The following GFM1 variants were observed in gnomAD, a reference collection of about 807,000 sequenced individuals.
GFM1 encodes elongation factor G, mitochondrial.
In GFM1, 62 loss-of-function variants were observed where a neutral mutation model predicts 96.2. The ratio of observed to expected loss-of-function variants is 0.64; its 90% CI spans 0.53 to 0.80. The LOEUF (loss-of-function observed/expected upper bound fraction) is 0.80, where lower values mean the gene tolerates loss of function less well. GFM1 is among the 30% of genes least tolerant of loss of function. The pLI, the probability that GFM1 is intolerant of heterozygous loss-of-function variation, is 0.00. For missense variants in GFM1, 852 were observed against 916.6 expected, an observed-to-expected ratio of 0.93 and a Z score of 0.91; for synonymous variants, 282 against 312.9, an observed-to-expected ratio of 0.90 and a Z score of 1.04.
At chr3:158,667,184 GTAAAAA>G (rs1723792015) in intron 13 of GFM1, 1 of 1,180,002 alleles carries the variant, frequency 8.5e-7, no homozygotes, top group Non-Finnish European at 1.1e-6. Context: ...TTCCATTTAG[GTAAAAA>G]TAAAAATTGA....
chr3:158,669,371 G>A, intron 13 of GFM1: 1 of 1,484,916 alleles, frequency 6.7e-7, no homozygotes, highest in Non-Finnish European at 9.2e-7. Flanking sequence ...TTTAAGCACA[G>A]ATAATTGAGA....
chr3:158,644,934 G>T, intron 1 of GFM1: 2 of 503,452 alleles, frequency 4.0e-6, no homozygotes, highest in South Asian at 2.8e-5. Context: ...TCAACTAAAA[G>T]TGTCTGTCAC....
rs1019230632 is a variant in GFM1 at position 158,654,594 on chromosome 3, A to G, written c.1046A>G (p.Asn349Ser). 15 of 1,613,164 alleles carry G rather than the reference A, an allele frequency of 9.3e-6. No homozygotes were observed. Among genetic ancestry groups the G allele is most frequent in the Middle Eastern group, 1.6e-4 (1 of 6,080 alleles). The stretch of plus-strand genomic sequence containing the variant: ...ATCCTAATGAACTCCAGTAGAGACA[A>G]TTCCCACCCATTTGTAGGCCTGGCT... ...TKILMNSSRD[N>S]SHPFVGLAFK... is the part of the protein sequence containing the mutation. Residue 349 changes from asparagine (N) to serine (S), a missense_variant, in exon 8 of 18, where the codon AAT becomes AGT. Coordinates refer to ENST00000486715, the MANE Select transcript of GFM1 (RefSeq NM_024996.7).
chr3:158,656,019 T>A, intron 8 of GFM1: 1 of 434,066 alleles, frequency 2.3e-6, no homozygotes, highest in Non-Finnish European at 4.6e-6. Context: ...TATTATTTGA[T>A]GCTTTTCACA....
chr3:158,668,290 C>G (rs1358740280), intron 13 of GFM1, among the ~76,000 whole-genome samples: 12 of 152,086 alleles, frequency 7.9e-5, no homozygotes, highest in African/African-American at 2.9e-4. Flanking sequence ...CAAATACAAT[C>G]TAAATGTTAT....
rs1165628976 is a variant in GFM1, at chr3:158,692,796, A to G, written c.*1329A>G. 6.6e-6 allele frequency among the ~76,000 whole-genome samples: 1 copy of G among 151,938 alleles called. No homozygotes were observed. The highest frequency in any genetic ancestry group is 1.5e-5 in the Non-Finnish European group (1 of 68,000). The stretch of plus-strand genomic sequence containing the variant: ...AACCTCTGCTTCCTGGGTTCAAGCA[A>G]TTATCCCATCTCAGCTGCCTAAGTA... On this transcript the variant is annotated 3_prime_UTR_variant, in exon 18 of 18. Transcript: ENST00000486715.
chr3:158,674,827 A>T (rs1263688997), intron 13 of GFM1, among the ~76,000 whole-genome samples: 1 of 152,210 alleles, frequency 6.6e-6, no homozygotes, highest in Admixed American at 6.5e-5. Context: ...AATTTGAAAG[A>T]TGATTCATGA....
rs571156607 is a variant in GFM1 at position 158,658,662 on chromosome 3, A to T, written c.1084-260A>T. On this transcript the variant is annotated intron_variant, in intron 8 of 17. Coordinates refer to ENST00000486715, the MANE Select transcript of GFM1 (RefSeq NM_024996.7). ...TCCTTATTATGTAAACAACTTAAAA[A>T]TTTTGTTCTAATGTAATAGCTTATT... Among the ~76,000 whole-genome samples, 7 of 152,336 alleles carry T rather than the reference A, an allele frequency of 4.6e-5. No homozygotes were observed. In the East Asian group the frequency reaches 1.3e-3, roughly 29 times the overall value.
rs766011688 is a variant in GFM1, at chr3:158,673,508, C to CTT, written c.1601+7141_1601+7142dup. Among the ~76,000 whole-genome samples the CTT allele has an allele frequency of 2.6e-3, 299 of 114,258 alleles. 5 individuals carry two copies. Among genetic ancestry groups the CTT allele is most frequent in the South Asian group, 0.011 (41 of 3,710 alleles). 75.0% of individuals were successfully genotyped at this position (114,258 alleles called of 152,430 possible). The stretch of plus-strand genomic sequence containing the variant: ...TTGAGACCTTTTTTTCTTTTCTTTT[C>CTT]TTTTTTTTTTTTTTTTTTTTGAGAT... On this transcript the variant is annotated intron_variant, in intron 13 of 17. Transcript: ENST00000486715.
chr3:158,656,375 A>C, intron 8 of GFM1: 1 of 157,554 alleles, frequency 6.3e-6, no homozygotes, highest in Non-Finnish European at 1.4e-5. Flanking sequence ...CCGGTCTCGA[A>C]CTCCTGACCT....
chr3:158,677,059 ATTC>A lies in GFM1; in HGVS notation c.1602-4933_1602-4931del, dbSNP rs559031609. 2.9e-3 allele frequency among the ~76,000 whole-genome samples: 439 copies of A among 152,270 alleles called. 4 individuals are homozygous for A. The highest frequency in any genetic ancestry group is 0.01 in the African/African-American group (417 of 41,554). ...CACATCTCTGTGTCACATTTTGGTAATTCTTGTAATATTTCAAACTTTTTCATT... is the reference window on the plus strand; with the variant it reads ...CACATCTCTGTGTCACATTTTGGTAATTGTAATATTTCAAACTTTTTCATT... On this transcript the variant is annotated intron_variant, in intron 13 of 17. Transcript: ENST00000486715.
intron 16 of GFM1, 104 bp from the exon 17 acceptor site, chr3:158,691,035 C>T (rs902471505): frequency 7.7e-6 from 6 of 780,680 alleles, no homozygotes; most frequent in Non-Finnish European, 1.4e-5. Context: ...GAGTAGTGAG[C>T]AGAAATCTTA....
chr3:158,658,407 C>T (rs529347153), intron 8 of GFM1, among the ~76,000 whole-genome samples: 15 of 152,146 alleles, frequency 9.9e-5, no homozygotes, highest in South Asian at 4.2e-4. Context: ...TCAGGTGATC[C>T]GCTCGCCTCT....
At chr3:158,675,209 C>T (rs372572804) in intron 13 of GFM1, among the ~76,000 whole-genome samples, 9 of 147,640 alleles carry the variant, frequency 6.1e-5, no homozygotes, top group African/African-American at 2.3e-4. Context: ...CTGCTTGAAC[C>T]CAGGAGGCGG....
At chr3:158,682,181 T>C in intron 14 of GFM1, 24 bp downstream of exon 14, 9 of 1,592,816 alleles carry the variant, frequency 5.7e-6, no homozygotes, top group Non-Finnish European at 6.9e-6. Flanking sequence ...AAAGTGTTTT[T>C]GCATTTTTAC....
chr3:158,687,721 G>T (rs754673246), intron 15 of GFM1, among the ~76,000 whole-genome samples: 5 of 152,076 alleles, frequency 3.3e-5, no homozygotes, highest in Non-Finnish European at 7.4e-5. Context: ...ACCTGCCTCC[G>T]CCTCCCAAAG....
In GFM1 at chr3:158,644,602, C is replaced by G; in HGVS notation, c.-33C>G. On this transcript the variant is annotated 5_prime_UTR_variant, in exon 1 of 18. Transcript: ENST00000486715. ...TACCGGCAGCTGAACCCACCCGGCG[C>G]CACGGGACTTTGACGCGTGCTCTGC... 6.5e-7 allele frequency: 1 copy of G among 1,547,074 alleles called. No homozygotes were observed. The highest frequency in any genetic ancestry group is 8.7e-7 in the Non-Finnish European group (1 of 1,143,406).
At chr3:158,672,758 G>A in intron 13 of GFM1, 1 of 352,842 alleles carries the variant, frequency 2.8e-6, no homozygotes, top group Non-Finnish European at 5.5e-6. Context: ...CCTACTGGAG[G>A]AGAGGCCAGC....
chr3:158,672,613 T>C (rs1437999972), intron 13 of GFM1: 4 of 1,012,044 alleles, frequency 4.0e-6, no homozygotes, highest in Non-Finnish European at 5.7e-6. Context: ...GTCAGTCTTC[T>C]TCCTCAGCTC....
Sources: allele counts gnomAD v4.1 joint callset (sites outside exome capture counted in the v4.1 genomes callset), GRCh38; gene constraint gnomAD v4.1.1; transcripts MANE v1.5; gene names NCBI Gene and HGNC (gene_info 2026-07-23, HGNC 2026-07-21).